Variants in BRWD3 observed in about 807,000 individuals in gnomAD.
BRWD3 encodes the protein bromodomain and WD repeat-containing protein 3.
A neutral mutation model predicts 149.7 loss-of-function variants in BRWD3; 10 were observed. The ratio of observed to expected loss-of-function variants is 0.07; its 90% CI spans 0.04 to 0.11. The LOEUF (loss-of-function observed/expected upper bound fraction) is 0.11. Ranked by LOEUF, BRWD3 falls within the 10% of genes least tolerant of loss-of-function variation. The pLI is 1.00. For synonymous variants in BRWD3, 504 were observed against 456.7 expected (o/e 1.10, Z -1.32); for missense variants, 940 against 1,373.2 (o/e 0.68, Z 4.99).
chrX:80,746,373 A>C (rs2073593256), intron 6 of BRWD3, among the ~76,000 whole-genome samples: 1 of 110,652 alleles, frequency 9.0e-6, no homozygotes, highest in African/African-American at 3.3e-5. Context: ...CTATGAAGTC[A>C]TTTTAAGTCC....
At chrX:80,750,438 A>C (rs1447742816) in intron 6 of BRWD3, among the ~76,000 whole-genome samples, 1 of 111,385 alleles carries the variant, frequency 9.0e-6, no homozygotes, top group African/African-American at 3.3e-5. Context: ...CATTTCTCAA[A>C]AGACGACATA....
At chrX:80,745,992 T>G (rs1007029072) in intron 6 of BRWD3, among the ~76,000 whole-genome samples, 2 of 110,920 alleles carry the variant, frequency 1.8e-5, no homozygotes, top group African/African-American at 6.5e-5. Flanking sequence ...ATTCTCCTTT[T>G]GCCTTTCTTG....
intron 6 of BRWD3, among the ~76,000 whole-genome samples, chrX:80,758,640 C>T (rs1434208764): frequency 9.1e-6 from 1 of 110,325 alleles, no homozygotes; most frequent in Non-Finnish European, 1.9e-5. Context: ...AGGTTCTACC[C>T]TTGGGAACGA....
At chrX:80,731,620 C>T (rs1458977484) in intron 12 of BRWD3, among the ~76,000 whole-genome samples, 4 of 110,601 alleles carry the variant, frequency 3.6e-5, no homozygotes, top group South Asian at 3.8e-4. Flanking sequence ...ATAGGCCGGG[C>T]GCAGTGGCTC....
At chrX:80,735,533 A>C (rs1050937126) in intron 9 of BRWD3, among the ~76,000 whole-genome samples, 6 of 111,534 alleles carry the variant, frequency 5.4e-5, no homozygotes, top group Non-Finnish European at 1.1e-4. Context: ...ATATCAAAAA[A>C]ATTTTGGCTG....
chrX:80,789,799 C>T (rs1699581274), intron 6 of BRWD3, among the ~76,000 whole-genome samples: 1 of 108,957 alleles, frequency 9.2e-6, no homozygotes, highest in African/African-American at 3.3e-5. Context: ...CTGTTTGCCA[C>T]ATTTACTTGA....
chrX:80,713,711 C>A (rs1478777200), intron 20 of BRWD3, among the ~76,000 whole-genome samples: 2 of 111,838 alleles, frequency 1.8e-5, no homozygotes, highest in Non-Finnish European at 3.8e-5. Context: ...ATAAAAAAAA[C>A]AAATAATAAA....
intron 25 of BRWD3, among the ~76,000 whole-genome samples, chrX:80,697,437 TAACAAATAGCTAAGTTTTTAA>T (rs1450995514): frequency 4.5e-5 from 5 of 111,296 alleles, no homozygotes; most frequent in African/African-American, 1.6e-4. Context: ...GTAACCACTG[TAACAAATAGCTAAGTTTTTAA>T]CCCCTATCCC....
rs2072368831 is a variant in BRWD3, at chrX:80,676,524, C to T, written c.*85G>A. The T allele has an allele frequency of 2.7e-6, 3 of 1,114,829 alleles. No homozygotes were observed. Among genetic ancestry groups the T allele is most frequent in the Non-Finnish European group, 3.7e-6 (3 of 818,841 alleles). The allele number at this position is 1,114,829 out of a possible 1,213,427, so 91.9% of individuals were successfully genotyped here. ...ATGTGAAAGGAAGCAGAAGTCCCCACACAACTTGCTTTGTAGATTTCCTGG... is the reference window on the plus strand; with the variant it reads ...ATGTGAAAGGAAGCAGAAGTCCCCATACAACTTGCTTTGTAGATTTCCTGG... On this transcript the variant is annotated 3_prime_UTR_variant, in exon 41 of 41. Transcript: ENST00000373275.
rs41310717 is a variant in BRWD3 at position 80,676,357 on chromosome X, A to C, written c.*252T>G. The C allele has an allele frequency of 1.8e-5, 7 of 392,678 alleles. No individual in the cohort carries two copies. Among genetic ancestry groups the C allele is most frequent in the Admixed American group, 4.3e-5 (1 of 23,042 alleles). 32.4% of individuals were successfully genotyped at this position (392,678 alleles called of 1,213,427 possible). A position where few individuals can be genotyped will look rare whatever the true frequency, so the allele number is the denominator to read the frequency against. ...CGTGTGTGTGTGTCTGTGTGTGTGT[A>C]TGTGTGTGTATGTGTTTGTGTGTGT... On this transcript the variant is annotated 3_prime_UTR_variant, in exon 41 of 41. Transcript: ENST00000373275.
At chrX:80,756,043 C>A in intron 6 of BRWD3, among the ~76,000 whole-genome samples, 1 of 111,352 alleles carries the variant, frequency 9.0e-6, no homozygotes, top group Middle Eastern at 4.7e-3. Context: ...TAGGTTCTTC[C>A]CAATAGTCAC....
At chrX:80,678,267 T>G (rs2072395159) in intron 40 of BRWD3, among the ~76,000 whole-genome samples, 1 of 111,455 alleles carries the variant, frequency 9.0e-6, no homozygotes, top group Non-Finnish European at 1.9e-5. Context: ...ATTTCAAAGG[T>G]TGAACTGATG....
At chrX:80,781,272 C>T (rs1286468102) in intron 6 of BRWD3, among the ~76,000 whole-genome samples, 1 of 111,400 alleles carries the variant, frequency 9.0e-6, no homozygotes, top group Non-Finnish European at 1.9e-5. Flanking sequence ...GGGTATATCC[C>T]GATCATTGTC....
At position 80,691,600 on chromosome X, in the gene BRWD3, T is replaced by C. The variant is rs187812394; in HGVS notation, c.3481+223A>G. 2.7e-5 allele frequency among the ~76,000 whole-genome samples: 3 copies of C among 111,940 alleles called. No individual in the cohort carries two copies. The East Asian group carries it at 8.4e-4, about 31-fold the overall frequency. ...AAAAAGGAAAAAGACACTTACACAG[T>C]TACCTTCACTATTATCCCCCAGATT... On this transcript the variant is annotated intron_variant, in intron 30 of 40. Coordinates refer to ENST00000373275, the MANE Select transcript of BRWD3 (RefSeq NM_153252.5).
intron 6 of BRWD3, among the ~76,000 whole-genome samples, chrX:80,788,826 G>A (rs980798440): frequency 8.9e-6 from 1 of 112,010 alleles, no homozygotes; most frequent in Non-Finnish European, 1.9e-5. Flanking sequence ...ACTGGTCTAA[G>A]TGAAATCAGA....
At chrX:80,731,115 T>C (rs1468204514) in intron 12 of BRWD3, among the ~76,000 whole-genome samples, 1 of 111,764 alleles carries the variant, frequency 8.9e-6, no homozygotes, top group Non-Finnish European at 1.9e-5. Flanking sequence ...GAAAAGTTTT[T>C]TTAATAATTT....
intron 8 of BRWD3, among the ~76,000 whole-genome samples, chrX:80,740,174 A>G (rs1246341676): frequency 1.8e-5 from 2 of 112,000 alleles, no homozygotes; most frequent in Non-Finnish European, 3.8e-5. Flanking sequence ...ATATTATTTA[A>G]ATAACACAAA....
intron 6 of BRWD3, among the ~76,000 whole-genome samples, chrX:80,783,435 G>C (rs2074077339): frequency 9.2e-6 from 1 of 108,851 alleles, no homozygotes; most frequent in Non-Finnish European, 1.9e-5. Flanking sequence ...ATGCTGGTGA[G>C]GTTTTGGAGA....
chrX:80,769,424 C>G, intron 6 of BRWD3, among the ~76,000 whole-genome samples: 1 of 111,805 alleles, frequency 8.9e-6, no homozygotes, highest in Non-Finnish European at 1.9e-5. Flanking sequence ...AACTACAACT[C>G]AGGATTAAGA....
Sources: gnomAD v4.1 joint callset for allele counts (sites outside exome capture counted in the v4.1 genomes callset) on GRCh38, gnomAD v4.1.1 for gene constraint, MANE v1.5 for transcripts, NCBI Gene and HGNC (gene_info 2026-07-23, HGNC 2026-07-21) for gene names.